ERMARD: variants seen among roughly 807,000 people sequenced by gnomAD.
The protein encoded by ERMARD is ER membrane associated RNA degradation.
ERMARD carries 71 observed loss-of-function variants against 83.9 expected under a neutral mutation model. That is an observed-to-expected ratio of 0.85 (90% CI 0.70 to 1.03). The LOEUF (loss-of-function observed/expected upper bound fraction) is 1.03. Ranked by LOEUF, ERMARD falls within the 50% of genes least tolerant of loss-of-function variation. The pLI is 0.00. For synonymous variants in ERMARD, 284 were observed against 298.6 expected (o/e 0.95, Z 0.50); for missense variants, 838 against 810.9 (o/e 1.03, Z -0.41).
At chr6:169,756,643 G>T in intron 4 of ERMARD, 76 bp from the exon 5 acceptor site, 1 of 1,302,702 alleles carries the variant, frequency 7.7e-7, no homozygotes, top group Non-Finnish European at 1.1e-6. Context: ...TGTACAAACA[G>T]TTGCTTCATG....
chr6:169,755,194 T>C, intron 2 of ERMARD, 89 bp from the exon 3 acceptor site: 15 of 1,462,406 alleles, frequency 1.0e-5, no homozygotes, highest in Non-Finnish European at 1.3e-5. Context: ...AATTTTATAA[T>C]TAAAGCATTT....
chr6:169,780,722 G>T (rs1463735184), intron 17 of ERMARD, among the ~76,000 whole-genome samples: 1 of 152,186 alleles, frequency 6.6e-6, no homozygotes, highest in African/African-American at 2.4e-5. Flanking sequence ...AACGATGCAG[G>T]TTTGCACTGC....
At chr6:169,764,641 G>A (rs568343610) in intron 9 of ERMARD, among the ~76,000 whole-genome samples, 5 of 152,072 alleles carry the variant, frequency 3.3e-5, no homozygotes, top group African/African-American at 9.6e-5. Context: ...TAACCTCCTC[G>A]ATGATGTCCT....
chr6:169,760,122 C>G (rs1470140520), intron 7 of ERMARD, 148 bp downstream of exon 7: 2 of 1,435,292 alleles, frequency 1.4e-6, no homozygotes, highest in Non-Finnish European at 1.8e-6. Context: ...TGAAGAACCT[C>G]CTACATTTTA....
intron 9 of ERMARD, among the ~76,000 whole-genome samples, chr6:169,764,430 A>G (rs1791949912): frequency 6.6e-6 from 1 of 150,522 alleles, no homozygotes. Flanking sequence ...CACCTGGCTC[A>G]TTTTTACATT....
At chr6:169,760,801 C>G in intron 8 of ERMARD, 45 bp downstream of exon 8, 1 of 1,348,226 alleles carries the variant, frequency 7.4e-7, no homozygotes, top group Non-Finnish European at 1.0e-6. Flanking sequence ...TGGTTGGAGG[C>G]CATTCTTTCT....
upstream of ERMARD, chr6:169,751,392 C>T (rs200900116): frequency 6.2e-7 from 1 of 1,614,186 alleles, no homozygotes; most frequent in Non-Finnish European, 8.5e-7. Flanking sequence ...GTCACCGGAG[C>T]CTGCTGAGGG....
At chr6:169,775,485 G>A in intron 14 of ERMARD, 139 bp downstream of exon 14, 1 of 927,936 alleles carries the variant, frequency 1.1e-6, no homozygotes, top group African/African-American at 1.6e-5. Flanking sequence ...GATGCAGGCT[G>A]TGGGGAGCTG....
intron 9 of ERMARD, 112 bp from the exon 10 acceptor site, chr6:169,766,526 A>G (rs1444922361): frequency 2.7e-6 from 2 of 752,218 alleles, no homozygotes; most frequent in Admixed American, 3.3e-5. Flanking sequence ...TGTTTTAACA[A>G]AAAACTTTGG....
chr6:169,765,114 TCATGATACCTG>T (rs1179906139), intron 9 of ERMARD, among the ~76,000 whole-genome samples: 1 of 152,250 alleles, frequency 6.6e-6, no homozygotes, highest in Admixed American at 6.5e-5. Flanking sequence ...AGCCCTTGCT[TCATGATACCTG>T]CATGGGGATT....
chr6:169,759,843 G>C lies in ERMARD; in HGVS notation c.611G>C (p.Cys204Ser). Reference protein sequence around the residue: ...ASPEEIPPKYCSMMILLTAGL... With the variant: ...ASPEEIPPKYSSMMILLTAGL... Reference sequence around the variant, plus strand: ...ATCTCTATGGTATTTCCTAGATACTGTTCAATGATGATACTGTTGACGGCA... The same window carrying C: ...ATCTCTATGGTATTTCCTAGATACTCTTCAATGATGATACTGTTGACGGCA... Residue 204 changes from cysteine to serine, a missense_variant, in exon 7 of 18, where the codon TGT becomes TCT. Cys to Ser is a moderately radical substitution (Grantham distance 112, BLOSUM62 -1). Coordinates refer to ENST00000366773, the MANE Select transcript of ERMARD (RefSeq NM_018341.3). 1 of 1,613,880 alleles carries C rather than the reference G, an allele frequency of 6.2e-7. No individual in the cohort carries two copies. Among genetic ancestry groups the C allele is most frequent in the African/African-American group, 1.3e-5 (1 of 75,052 alleles).
intron 13 of ERMARD, 99 bp from the exon 14 acceptor site, chr6:169,775,171 T>G: frequency 8.3e-7 from 1 of 1,210,466 alleles, no homozygotes. Context: ...TTGTAATAAT[T>G]TACGTATTTT....
At position 169,766,345 on chromosome 6, in the gene ERMARD, G is replaced by A. The variant is rs1028070895; in HGVS notation, c.961-293G>A. The stretch of plus-strand genomic sequence containing the variant: ...GGAGAAGTATTCTGTTGTATGAGCA[G>A]CGATTTGTGAGGGCCTGGGATTGTA... On this transcript the variant is annotated intron_variant, in intron 9 of 17. Transcript: ENST00000366773. Among the ~76,000 whole-genome samples the A allele has an allele frequency of 3.3e-5, 5 of 152,250 alleles. No individual in the cohort carries two copies. In the East Asian group the frequency reaches 7.7e-4, roughly 23 times the overall value.
chr6:169,765,741 C>T (rs1447490485), intron 9 of ERMARD, among the ~76,000 whole-genome samples: 3 of 152,184 alleles, frequency 2.0e-5, no homozygotes, highest in Non-Finnish European at 4.4e-5. Context: ...TATTATTAAA[C>T]ATTAATAAAT....
At chr6:169,755,781 G>T (rs911985083) in intron 3 of ERMARD, 9 of 184,212 alleles carry the variant, frequency 4.9e-5, no homozygotes, top group Non-Finnish European at 1.1e-5. Flanking sequence ...GACCAGAGCT[G>T]GGATACTTGG....
At position 169,775,347 on chromosome 6, in the gene ERMARD, G is replaced by A. The variant is rs781250225; in HGVS notation, c.1394+1G>A. The A allele has an allele frequency of 9.9e-6, 16 of 1,613,942 alleles. No homozygotes were observed. The highest frequency in any genetic ancestry group is 2.2e-5 in the East Asian group (1 of 44,900). On this transcript the variant is annotated splice_donor_variant, in intron 14 of 17. Coordinates refer to ENST00000366773, the MANE Select transcript of ERMARD (RefSeq NM_018341.3). LOFTEE classifies it high-confidence loss of function. ...AAGAACTCACTCGGCAAGCCGTCAG[G>A]TGCGTGGCATCCTGGGGCCTGGCTG... is the stretch of plus-strand genomic sequence containing the variant.
chr6:169,775,631 C>G (rs1175435613), intron 14 of ERMARD, among the ~76,000 whole-genome samples: 2 of 152,294 alleles, frequency 1.3e-5, no homozygotes, highest in East Asian at 1.9e-4. Flanking sequence ...AAAGATGGGT[C>G]TGAAGCTCAG....
At chr6:169,760,147 GCCT>G (rs140228395) in intron 7 of ERMARD, among the ~76,000 whole-genome samples, 173 bp downstream of exon 7, 29,324 of 151,938 alleles carry the variant, frequency 0.19, 3,543 homozygotes, top group African/African-American at 0.35. Flanking sequence ...CCAAAGCCCT[GCCT>G]CCTCCCACCA....
chr6:169,768,255 T>G (rs142736213), intron 11 of ERMARD, 84 bp downstream of exon 11: 2 of 1,318,056 alleles, frequency 1.5e-6, no homozygotes, highest in African/African-American at 1.5e-5. Flanking sequence ...TAATTTTGGC[T>G]TGTGGTTTGC....
Sources: allele counts gnomAD v4.1 joint callset (sites outside exome capture counted in the v4.1 genomes callset), GRCh38; gene constraint gnomAD v4.1.1; transcripts MANE v1.5; gene names NCBI Gene and HGNC (gene_info 2026-07-23, HGNC 2026-07-21).